Variants in ANXA8 observed in about 807,000 individuals in gnomAD.
ANXA8 encodes VAC-beta.
In ANXA8, 9 loss-of-function variants were observed where a neutral mutation model predicts 26.8. That is an observed-to-expected ratio of 0.34 (90% CI 0.20 to 0.59). ANXA8 has a LOEUF of 0.59. ANXA8 is among the 20% of genes least tolerant of loss of function. The pLI is 0.84. For missense variants in ANXA8, 83 were observed against 238.5 expected, an observed-to-expected ratio of 0.35 and a Z score of 4.29; for synonymous variants, 39 against 94.8, an observed-to-expected ratio of 0.41 and a Z score of 3.42.
chr10:47,718,079 C>T, the ANXA8 span, among the ~76,000 whole-genome samples: 4 of 151,836 alleles, frequency 2.6e-5, no homozygotes. Context: ...GGGTACTCTG[C>T]CTACTACAGG....
the ANXA8 span, among the ~76,000 whole-genome samples, chr10:47,596,649 TATGTG>T: frequency 1.4e-5 from 2 of 142,210 alleles, no homozygotes; most frequent in East Asian, 4.0e-4. Flanking sequence ...TGAACATTTC[TATGTG>T]CACAACTAGA....
chr10:47,701,331 T>G, the ANXA8 span, among the ~76,000 whole-genome samples: 1 of 151,638 alleles, frequency 6.6e-6, no homozygotes, highest in East Asian at 1.9e-4. Flanking sequence ...AAATTACATA[T>G]GTACTTAGCT....
chr10:47,688,453 G>C, the ANXA8 span, among the ~76,000 whole-genome samples: 1 of 149,244 alleles, frequency 6.7e-6, no homozygotes, highest in South Asian at 2.1e-4. Context: ...ATGGAGTCTC[G>C]CTTTGTCGCC....
At chr10:47,684,893 G>GT in the ANXA8 span, among the ~76,000 whole-genome samples, 4 of 138,388 alleles carry the variant, frequency 2.9e-5, no homozygotes, top group Admixed American at 7.2e-5. Flanking sequence ...GCCTGCGATT[G>GT]TTTTTTTTAA....
chr10:47,966,417 C>A, the ANXA8 span, among the ~76,000 whole-genome samples: 1 of 151,006 alleles, frequency 6.6e-6, no homozygotes, highest in Non-Finnish European at 1.5e-5. Flanking sequence ...TGACCCGAAT[C>A]CCTGGAGAAG....
At chr10:47,567,788 T>C in the ANXA8 span, among the ~76,000 whole-genome samples, 3 of 139,902 alleles carry the variant, frequency 2.1e-5, no homozygotes, top group African/African-American at 8.3e-5. Context: ...GTTCAATAAA[T>C]GTTGTTTAAA....
chr10:47,895,336 C>T, the ANXA8 span, among the ~76,000 whole-genome samples: 1 of 152,106 alleles, frequency 6.6e-6, no homozygotes, highest in Non-Finnish European at 1.5e-5. Flanking sequence ...TGTGTGATAG[C>T]AAAGGTGCTC....
At chr10:47,703,725 C>T in the ANXA8 span, among the ~76,000 whole-genome samples, 3 of 150,766 alleles carry the variant, frequency 2.0e-5, no homozygotes, top group Non-Finnish European at 3.0e-5. Flanking sequence ...CAAAGTATCT[C>T]CCCAGGATAC....
the ANXA8 span, among the ~76,000 whole-genome samples, chr10:47,655,961 G>A: frequency 5.9e-5 from 9 of 151,680 alleles, no homozygotes; most frequent in African/African-American, 1.9e-4. Flanking sequence ...TGGAAGTTTC[G>A]GTGAGCCGAG....
chr10:47,618,974 A>G, the ANXA8 span, among the ~76,000 whole-genome samples: 2 of 114,916 alleles, frequency 1.7e-5, no homozygotes, highest in East Asian at 2.1e-4. Context: ...AATTAAGAAC[A>G]TAATTCTCAA....
the ANXA8 span, among the ~76,000 whole-genome samples, chr10:47,633,403 TC>T: frequency 1.2e-5 from 1 of 84,174 alleles, no homozygotes; most frequent in Non-Finnish European, 2.2e-5. Flanking sequence ...AGATCTGCCC[TC>T]CCCCCATCTC....
At chr10:47,769,738 G>A in the ANXA8 span, among the ~76,000 whole-genome samples, 1 of 152,310 alleles carries the variant, frequency 6.6e-6, no homozygotes, top group Non-Finnish European at 1.5e-5. Flanking sequence ...GTTACCTTCT[G>A]TGGTCAATTA....
the ANXA8 span, among the ~76,000 whole-genome samples, chr10:47,654,479 G>GT: frequency 1.9e-4 from 26 of 139,244 alleles, no homozygotes; most frequent in South Asian, 5.2e-3. Flanking sequence ...GATCTGAGAG[G>GT]TGGAAGGAGG....
the ANXA8 span, among the ~76,000 whole-genome samples, chr10:47,570,563 C>T: frequency 3.3e-5 from 5 of 150,426 alleles, no homozygotes; most frequent in Non-Finnish European, 7.4e-5. Flanking sequence ...GGGAGGATCA[C>T]TTGAGCCCGG....
At chr10:47,717,962 C>T in the ANXA8 span, among the ~76,000 whole-genome samples, 1 of 133,070 alleles carries the variant, frequency 7.5e-6, no homozygotes, top group South Asian at 2.4e-4. Flanking sequence ...TGCACCACTG[C>T]AGTGCAGACT....
At chr10:47,595,210 C>A in the ANXA8 span, among the ~76,000 whole-genome samples, 2 of 148,426 alleles carry the variant, frequency 1.3e-5, no homozygotes, top group African/African-American at 5.2e-5. Flanking sequence ...CTGAGTCAAG[C>A]AATCGGTAAG....
chr10:47,944,898 G>T, the ANXA8 span, among the ~76,000 whole-genome samples: 3 of 138,494 alleles, frequency 2.2e-5, no homozygotes, highest in Non-Finnish European at 4.5e-5. Flanking sequence ...GTCTGTCCTT[G>T]TACAGGTTCC....
the ANXA8 span, chr10:47,491,788 A>T: frequency 2.6e-5 from 36 of 1,379,902 alleles, 1 homozygote; most frequent in South Asian, 4.4e-4. Context: ...ACCCCAGCCC[A>T]GTAGGAGGCT....
chr10:47,686,111 A>T, the ANXA8 span, among the ~76,000 whole-genome samples: 1 of 151,766 alleles, frequency 6.6e-6, no homozygotes, highest in East Asian at 1.9e-4. Context: ...CTGTAGTCCT[A>T]AGAGCCTACG....
Sources: allele counts gnomAD v4.1 joint callset (sites outside exome capture counted in the v4.1 genomes callset), GRCh38; gene constraint gnomAD v4.1.1; transcripts MANE v1.5; gene names NCBI Gene and HGNC (gene_info 2026-07-23, HGNC 2026-07-21).